Variants in HRH1 observed in about 807,000 individuals in gnomAD.
HRH1 encodes histamine receptor H1, also known as histamine H1 receptor.
A neutral mutation model predicts 10.3 loss-of-function variants in HRH1; 6 were observed. The observed-to-expected ratio is 0.58, with a 90% CI of 0.32 to 1.15. The LOEUF (loss-of-function observed/expected upper bound fraction) is 1.15, where lower values mean the gene tolerates loss of function less well. Ranked by LOEUF, HRH1 falls within the 50% of genes most tolerant of loss-of-function variation. The pLI is 0.05. For synonymous variants in HRH1, 242 were observed against 236.7 expected, an observed-to-expected ratio of 1.02 and a Z score of -0.21; for missense variants, 514 against 615.3, an observed-to-expected ratio of 0.84 and a Z score of 1.74.
At chr3:11,218,246 A>G (rs1474912214) in intron 1 of HRH1, among the ~76,000 whole-genome samples, 1 of 152,100 alleles carries the variant, frequency 6.6e-6, no homozygotes, top group Non-Finnish European at 1.5e-5. Flanking sequence ...GGAGTTCGAG[A>G]CCAGCCTGGC....
At chr3:11,226,434 TTGAGGATGAGCAGG>T (rs1450394040) in intron 1 of HRH1, 1 of 151,952 alleles carries the variant, frequency 6.6e-6, no homozygotes, top group African/African-American at 2.4e-5. Flanking sequence ...GCAGGAAGAT[TTGAGGATGAGCAGG>T]TGATGCTGTA....
At chr3:11,258,815 C>CAATA (rs1221471467) in intron 1 of HRH1, among the ~76,000 whole-genome samples, 188 bp from the exon 2 acceptor site, 1 of 152,094 alleles carries the variant, frequency 6.6e-6, no homozygotes, top group Non-Finnish European at 1.5e-5. Context: ...GACAGAAATT[C>CAATA]AATAAATAGT....
At chr3:11,152,849 T>G (rs1936674972), upstream of HRH1, among the ~76,000 whole-genome samples, 1 of 151,852 alleles carries the variant, frequency 6.6e-6, no homozygotes, top group Non-Finnish European at 1.5e-5. Flanking sequence ...TGTGGGGTTG[T>G]GCTAATGTGC....
In HRH1 at chr3:11,230,895, T is replaced by C. The variant is rs1939022010; in HGVS notation, c.-35-28108T>C. On this transcript the variant is annotated intron_variant, in intron 1 of 1. Coordinates refer to ENST00000431010, the MANE Select transcript of HRH1 (RefSeq NM_001098212.2). ...TCAATTTCCTCCAGTGGTAGCATAT[T>C]ACAAAACTGTAGTAAAATATCACAA... Among the ~76,000 whole-genome samples, 3 of 152,316 alleles carry C rather than the reference T, an allele frequency of 2.0e-5. No homozygotes were observed. In the South Asian group the frequency reaches 6.2e-4, roughly 32 times the overall value.
intron 1 of HRH1, among the ~76,000 whole-genome samples, chr3:11,199,934 C>G (rs1444406425): frequency 6.6e-6 from 1 of 152,208 alleles, no homozygotes; most frequent in Non-Finnish European, 1.5e-5. Flanking sequence ...TGACCCCATT[C>G]TCAGCTCAGC....
chr3:11,255,890 C>T (rs1939769476), intron 1 of HRH1, among the ~76,000 whole-genome samples: 2 of 152,182 alleles, frequency 1.3e-5, no homozygotes, highest in Admixed American at 6.5e-5. Context: ...TTCCCTTTAC[C>T]TTAAGTGATT....
rs368512123 is a variant in HRH1, at chr3:11,256,558, T to C, written c.-35-2445T>C. Among the ~76,000 whole-genome samples the C allele has an allele frequency of 1.2e-3, 178 of 152,262 alleles. 1 individual carries two copies. Among genetic ancestry groups the C allele is most frequent in the African/African-American group, 4.1e-3 (170 of 41,540 alleles). On this transcript the variant is annotated intron_variant, in intron 1 of 1. Coordinates refer to ENST00000431010, the MANE Select transcript of HRH1 (RefSeq NM_001098212.2). Reference sequence around the variant, plus strand: ...GCTCACACCTATAATCCCAGCACTTTGGGAGGCTGAGGTGGGTGGATCATG... The same window carrying C: ...GCTCACACCTATAATCCCAGCACTTCGGGAGGCTGAGGTGGGTGGATCATG...
At chr3:11,176,831 G>A (rs1350303561) in intron 1 of HRH1, among the ~76,000 whole-genome samples, 2 of 152,102 alleles carry the variant, frequency 1.3e-5, no homozygotes, top group African/African-American at 4.8e-5. Flanking sequence ...AGTGGCTCAC[G>A]CCGGTAATCC....
chr3:11,239,068 C>T (rs1939265531), intron 1 of HRH1, among the ~76,000 whole-genome samples: 1 of 152,196 alleles, frequency 6.6e-6, no homozygotes, highest in Non-Finnish European at 1.5e-5. Flanking sequence ...CTATGTTTAA[C>T]CATTTGAAGA....
chr3:11,204,567 G>T (rs1938047205), intron 1 of HRH1, among the ~76,000 whole-genome samples: 1 of 152,158 alleles, frequency 6.6e-6, no homozygotes, highest in Admixed American at 6.5e-5. Flanking sequence ...ATCACCGAAG[G>T]GGAAGGCCGG....
At chr3:11,249,856 G>A (rs964005491) in intron 1 of HRH1, among the ~76,000 whole-genome samples, 1 of 152,036 alleles carries the variant, frequency 6.6e-6, no homozygotes, top group Non-Finnish European at 1.5e-5. Flanking sequence ...AGCCAGGAAG[G>A]ACAAAGATAC....
intron 1 of HRH1, among the ~76,000 whole-genome samples, chr3:11,228,186 G>C (rs79185864): frequency 0.13 from 19,690 of 152,174 alleles, 1,950 homozygotes; most frequent in East Asian, 0.32. Flanking sequence ...TTAGGAAAGT[G>C]ATTCACAATA....
chr3:11,249,091 A>ATTTT (rs1939566915), intron 1 of HRH1, among the ~76,000 whole-genome samples: 2 of 152,116 alleles, frequency 1.3e-5, no homozygotes, highest in Admixed American at 1.3e-4. Flanking sequence ...AAGTGAGAAA[A>ATTTT]GGTTTGGTTA....
chr3:11,222,139 A>G (rs553939695), intron 1 of HRH1, among the ~76,000 whole-genome samples: 5 of 152,128 alleles, frequency 3.3e-5, no homozygotes, highest in Non-Finnish European at 7.4e-5. Context: ...ACAGGGGAGC[A>G]TCTCGGCTAG....
intron 1 of HRH1, among the ~76,000 whole-genome samples, chr3:11,193,056 G>A (rs189525118): frequency 1.3e-5 from 2 of 152,286 alleles, no homozygotes. Flanking sequence ...TTATTTTCTG[G>A]TTGGGCTGAT....
chr3:11,179,310 T>A (rs114198663), intron 1 of HRH1, among the ~76,000 whole-genome samples: 12,128 of 149,370 alleles, frequency 0.081, 858 homozygotes, highest in African/African-American at 0.2. Flanking sequence ...AAATAAAATT[T>A]AAAAAATTTA....
intron 1 of HRH1, among the ~76,000 whole-genome samples, chr3:11,215,302 T>C (rs912741921): frequency 2.0e-5 from 3 of 152,236 alleles, no homozygotes; most frequent in Non-Finnish European, 4.4e-5. Flanking sequence ...CCATATATAA[T>C]ACAACTAGAA....
At chr3:11,185,924 G>T (rs541588706) in intron 1 of HRH1, among the ~76,000 whole-genome samples, 1 of 152,114 alleles carries the variant, frequency 6.6e-6, no homozygotes, top group Admixed American at 6.5e-5. Context: ...GCAGTTCCAC[G>T]TATGAGTATG....
upstream of HRH1, among the ~76,000 whole-genome samples, chr3:11,153,000 G>A (rs373919685): frequency 6.6e-6 from 1 of 152,090 alleles, no homozygotes; most frequent in East Asian, 1.9e-4. Context: ...TCCCCACCTT[G>A]CAGATGGGAT....
Sources: gnomAD v4.1 joint callset for allele counts (sites outside exome capture counted in the v4.1 genomes callset) on GRCh38, gnomAD v4.1.1 for gene constraint, MANE v1.5 for transcripts, NCBI Gene and HGNC (gene_info 2026-07-23, HGNC 2026-07-21) for gene names.